The following BEGAIN variants were observed in gnomAD, a reference collection of about 807,000 sequenced individuals.
BEGAIN encodes brain enriched guanylate kinase associated.
Under a neutral mutation model 35.8 loss-of-function variants are expected in BEGAIN, and 19 were observed. The observed-to-expected ratio is 0.53, with a 90% CI of 0.37 to 0.78. The LOEUF (loss-of-function observed/expected upper bound fraction) is 0.78, where lower values mean the gene tolerates loss of function less well. Among genes scored for constraint, BEGAIN ranks in the 30% least tolerant of loss-of-function variants. The pLI, the probability that BEGAIN is intolerant of heterozygous loss-of-function variation, is 0.00. For synonymous variants in BEGAIN, 462 were observed against 388.6 expected (o/e 1.19, Z -2.22); for missense variants, 795 against 853.6 (o/e 0.93, Z 0.85).
rs752844211 is a variant in BEGAIN, at chr14:100,538,078, G to A, written c.1730C>T (p.Pro577Leu). Reference protein sequence around the residue: ...SSMEASPEMHPAARLSPQQAF... With the variant: ...SSMEASPEMHLAARLSPQQAF... ...CTGCTGGGGGCTGAGGCGGGCGGCA[G>A]GATGCATTTCCGGGGAGGCCTCCAT... Residue 577 changes from proline to leucine, a missense_variant, in exon 7 of 7, where the codon CCT becomes CTT. By Grantham distance (98) the Pro-to-Leu change is moderately conservative. This residue lies in a region of BEGAIN where 664 missense variants were observed against 647.7 expected (regional missense o/e 1.03). Transcript: ENST00000554140. 1 of 1,592,638 alleles carries A rather than the reference G, an allele frequency of 6.3e-7. No homozygotes were observed. Among genetic ancestry groups the A allele is most frequent in the Admixed American group, 1.8e-5 (1 of 57,048 alleles).
chr14:100,583,279 C>A (rs1163281529), intron 1 of BEGAIN, among the ~76,000 whole-genome samples: 1 of 152,108 alleles, frequency 6.6e-6, no homozygotes, highest in African/African-American at 2.4e-5. Context: ...AATATACACT[C>A]ATCACCTATC....
chr14:100,576,763 ACAGC>A (rs1007493304), intron 1 of BEGAIN, among the ~76,000 whole-genome samples: 1 of 152,184 alleles, frequency 6.6e-6, no homozygotes, highest in African/African-American at 2.4e-5. Flanking sequence ...CATCACCAGG[ACAGC>A]CAAGGAAATC....
intron 1 of BEGAIN, among the ~76,000 whole-genome samples, chr14:100,574,433 G>A (rs932897396): frequency 1.3e-5 from 2 of 151,766 alleles, no homozygotes; most frequent in Non-Finnish European, 2.9e-5. Context: ...CCCCGGTGCC[G>A]CCAGGCTAGG....
intron 2 of BEGAIN, among the ~76,000 whole-genome samples, chr14:100,554,651 A>C (rs2033527821): frequency 1.4e-5 from 2 of 143,742 alleles, no homozygotes; most frequent in African/African-American, 2.6e-5. Context: ...CCACCAGCCC[A>C]CTCCCCACCA....
chr14:100,583,948 C>T (rs1462795864), intron 1 of BEGAIN, among the ~76,000 whole-genome samples: 1 of 152,186 alleles, frequency 6.6e-6, no homozygotes, highest in Non-Finnish European at 1.5e-5. Flanking sequence ...GTCCACTCAC[C>T]TTGGCCTCCC....
At chr14:100,579,838 G>A (rs2035279558) in intron 1 of BEGAIN, among the ~76,000 whole-genome samples, 1 of 152,280 alleles carries the variant, frequency 6.6e-6, no homozygotes, top group East Asian at 1.9e-4. Flanking sequence ...AGGCCCTGGA[G>A]ATTCAGCCTT....
chr14:100,540,685 C>T lies in BEGAIN; in HGVS notation c.409-106G>A, dbSNP rs1265003053. 5 of 789,650 alleles carry T rather than the reference C, an allele frequency of 6.3e-6. No individual in the cohort carries two copies. In the East Asian group the frequency reaches 1.3e-4, roughly 21 times the overall value. 48.9% of individuals were successfully genotyped at this position (789,650 alleles called of 1,614,324 possible). A position where few individuals can be genotyped will look rare whatever the true frequency, so the allele number is the denominator to read the frequency against. ...GGGGCAGTGGTGTGCACAGGGCCTG[C>T]TGTGCGCTCAGCAGGACAAGGACCC... On this transcript the variant is annotated intron_variant, in intron 5 of 6. Transcript: ENST00000554140.
rs1362741461 is a variant in BEGAIN, at chr14:100,540,646, C to T, written c.409-67G>A. 17 of 1,267,358 alleles carry T rather than the reference C, an allele frequency of 1.3e-5. No homozygotes were observed. In the East Asian group the frequency reaches 4.3e-4, roughly 32 times the overall value. The allele number at this position is 1,267,358 out of a possible 1,614,324, so 78.5% of individuals were successfully genotyped here. A position where few individuals can be genotyped will look rare whatever the true frequency, so the allele number is the denominator to read the frequency against. ...CAAGGCCCCGCCGCCCTGACCAGCG[C>T]CAAGTGGCCAGCGGGGGCAGTGGTG... On this transcript the variant is annotated intron_variant, in intron 5 of 6. Coordinates refer to ENST00000554140, the MANE Select transcript of BEGAIN (RefSeq NM_001385089.1).
At position 100,568,526 on chromosome 14, in the gene BEGAIN, G is replaced by A; in HGVS notation, c.43-587C>T. 2 of 1,286,036 alleles carry A rather than the reference G, an allele frequency of 1.6e-6. No individual in the cohort carries two copies. Among genetic ancestry groups the A allele is most frequent in the Non-Finnish European group, 2.0e-6 (2 of 987,178 alleles). 79.7% of individuals were successfully genotyped at this position (1,286,036 alleles called of 1,614,324 possible). A position where few individuals can be genotyped will look rare whatever the true frequency, so the allele number is the denominator to read the frequency against. ...CCTCAGATTCTGGGGTTTTGGGCCT[G>A]GCTTGCCCCTCCCGGGCCCCAGGGA... is the stretch of plus-strand genomic sequence containing the variant. On this transcript the variant is annotated intron_variant, in intron 1 of 6. Coordinates refer to ENST00000554140, the MANE Select transcript of BEGAIN (RefSeq NM_001385089.1). This position sits in a 1 kb window ranked among gnomAD's most constrained non-coding sequence, Gnocchi z 7.5.
rs2030938843 is a variant in BEGAIN, at chr14:100,538,397, C to T, written c.1411G>A (p.Ala471Thr). The T allele has an allele frequency of 1.9e-6, 3 of 1,541,960 alleles. No homozygotes were observed. Among genetic ancestry groups the T allele is most frequent in the Non-Finnish European group, 2.6e-6 (3 of 1,149,434 alleles). Residue 471 changes from alanine to threonine, a missense_variant, in exon 7 of 7, where the codon GCC (alanine) becomes ACC (threonine). This residue lies in a region of BEGAIN where 664 missense variants were observed against 647.7 expected (regional missense o/e 1.03). Coordinates refer to ENST00000554140, the MANE Select transcript of BEGAIN (RefSeq NM_001385089.1). Reference protein sequence around the residue: ...CSFSERYYGGAGGSPGKKADG... With the variant: ...CSFSERYYGGTGGSPGKKADG... The stretch of plus-strand genomic sequence containing the variant: ...GCCTTCTTGCCCGGGCTGCCCCCGG[C>T]CCCGCCGTAGTAGCGTTCAGAGAAG...
rs1423864662 is a variant in BEGAIN, at chr14:100,571,762, C to T, written c.43-3823G>A. ...TGCCCAGCAGCCTCCCCTCGCTAGGCACACACTGGCCACACTGGCTGCCTT... is the reference window on the plus strand; with the variant it reads ...TGCCCAGCAGCCTCCCCTCGCTAGGTACACACTGGCCACACTGGCTGCCTT... On this transcript the variant is annotated intron_variant, in intron 1 of 6. Coordinates refer to ENST00000554140, the MANE Select transcript of BEGAIN (RefSeq NM_001385089.1). 2.0e-5 allele frequency among the ~76,000 whole-genome samples: 3 copies of T among 152,316 alleles called. No individual in the cohort carries two copies. In the East Asian group the frequency reaches 5.8e-4, roughly 29 times the overall value.
chr14:100,560,859 C>T lies in BEGAIN; in HGVS notation c.71+7052G>A, dbSNP rs570878143. Among the ~76,000 whole-genome samples the T allele has an allele frequency of 3.2e-4, 48 of 152,312 alleles. 1 individual carries two copies. Among genetic ancestry groups the T allele is most frequent in the South Asian group, 2.3e-3 (11 of 4,820 alleles). On this transcript the variant is annotated intron_variant, in intron 2 of 6. Coordinates refer to ENST00000554140, the MANE Select transcript of BEGAIN (RefSeq NM_001385089.1). ...GTCCTGCTGCTGCTCAGGACAGACACGAGCTGCCCTCGACACGAGCCCCAG... is the reference window on the plus strand; with the variant it reads ...GTCCTGCTGCTGCTCAGGACAGACATGAGCTGCCCTCGACACGAGCCCCAG...
rs891374367 is a variant in BEGAIN at position 100,563,087 on chromosome 14, T to G, written c.71+4824A>C. ...GGTCAGGACCTTCGAGGCCACCTGC[T>G]CTCCATCTGTCTCCATCCCTGGGAC... On this transcript the variant is annotated intron_variant, in intron 2 of 6. Coordinates refer to ENST00000554140, the MANE Select transcript of BEGAIN (RefSeq NM_001385089.1). This position sits in a 1 kb window ranked among gnomAD's most constrained non-coding sequence, Gnocchi z 4.2. Among the ~76,000 whole-genome samples the G allele has an allele frequency of 6.6e-6, 1 of 152,210 alleles. No homozygotes were observed. Among genetic ancestry groups the G allele is most frequent in the Non-Finnish European group, 1.5e-5 (1 of 68,040 alleles).
In BEGAIN at chr14:100,567,854, C is replaced by G; in HGVS notation, c.71+57G>C. 1 of 1,434,988 alleles carries G rather than the reference C, an allele frequency of 7.0e-7. No individual in the cohort carries two copies. Among genetic ancestry groups the G allele is most frequent in the South Asian group, 1.3e-5 (1 of 78,090 alleles). 88.9% of individuals were successfully genotyped at this position (1,434,988 alleles called of 1,614,324 possible). ...AGCCCCCTTCCCCCGCCTTCCCCAG[C>G]GCCCTCACCCCCGACCCGGCCCCCG... On this transcript the variant is annotated intron_variant, in intron 2 of 6. Transcript: ENST00000554140. The surrounding 1 kb of genome is among the most constrained non-coding windows in gnomAD (Gnocchi z 5.1).
chr14:100,578,455 C>T (rs58751913), intron 1 of BEGAIN, among the ~76,000 whole-genome samples: 3,223 of 152,328 alleles, frequency 0.021, 105 homozygotes, highest in African/African-American at 0.065. Flanking sequence ...GCAGAGGCTG[C>T]GGGCAGCCCA....
chr14:100,564,481 G>A (rs2034534567), intron 2 of BEGAIN, among the ~76,000 whole-genome samples: 1 of 152,120 alleles, frequency 6.6e-6, no homozygotes, highest in African/African-American at 2.4e-5. Context: ...AGGGAGAGGA[G>A]GGGATTAATT....
intron 1 of BEGAIN, among the ~76,000 whole-genome samples, chr14:100,580,951 C>T (rs1186608655): frequency 6.6e-6 from 1 of 152,152 alleles, no homozygotes; most frequent in Non-Finnish European, 1.5e-5. Context: ...GTGTCCTCCT[C>T]CCACCCTATG....
At position 100,573,724 on chromosome 14, in the gene BEGAIN, G is replaced by GCT. The variant is rs1292332109; in HGVS notation, c.43-5786_43-5785insAG. Among the ~76,000 whole-genome samples the GCT allele has an allele frequency of 6.6e-6, 1 of 152,132 alleles. No individual in the cohort carries two copies. Among genetic ancestry groups the GCT allele is most frequent in the Non-Finnish European group, 1.5e-5 (1 of 68,002 alleles). On this transcript the variant is annotated intron_variant, in intron 1 of 6. Coordinates refer to ENST00000554140, the MANE Select transcript of BEGAIN (RefSeq NM_001385089.1). This position sits in a 1 kb window ranked among gnomAD's most constrained non-coding sequence, Gnocchi z 4.2. The stretch of plus-strand genomic sequence containing the variant: ...TGGTGGTGCCCCTTGGCCATCCCAG[G>GCT]GGAGACACCAAGGGCTGGGAAATGG...
rs1470893172 is a variant in BEGAIN, at chr14:100,580,850, TCACAAACATCCC to T, written c.42+6387_42+6398del. On this transcript the variant is annotated intron_variant, in intron 1 of 6. Coordinates refer to ENST00000554140, the MANE Select transcript of BEGAIN (RefSeq NM_001385089.1). ...GGCATAGCAGGTTCAGGCTGTCAGT[TCACAAACATCCC>T]CAGCCTGGTGTGGGCCTACTGTGAC... Among the ~76,000 whole-genome samples the T allele has an allele frequency of 4.2e-4, 64 of 152,236 alleles. 1 individual carries two copies. In the Middle Eastern group the frequency reaches 0.02, roughly 49 times the overall value.
Sources: gnomAD v4.1 joint callset for allele counts (sites outside exome capture counted in the v4.1 genomes callset) on GRCh38, gnomAD v4.1.1 for gene constraint, gnomAD v4.1.1 regional missense constraint, Gnocchi (gnomAD v3.1) non-coding constraint, MANE v1.5 for transcripts, NCBI Gene and HGNC (gene_info 2026-07-23, HGNC 2026-07-21) for gene names.